The following PSMA1 variants were observed in gnomAD, a reference collection of about 807,000 sequenced individuals.
PSMA1 encodes proteasome subunit alpha type-1.
PSMA1 carries 3 observed loss-of-function variants against 38.4 expected under a neutral mutation model. The observed-to-expected ratio is 0.08, with a 90% confidence interval of 0.04 to 0.20. PSMA1 has a LOEUF of 0.20. Among genes scored for constraint, PSMA1 ranks in the 10% least tolerant of loss-of-function variants. The pLI is 1.00. For missense variants in PSMA1, 227 were observed against 325.3 expected (o/e 0.70, Z 2.32); for synonymous variants, 101 against 107.1 (o/e 0.94, Z 0.35).
intron 2 of PSMA1, among the ~76,000 whole-genome samples, chr11:14,593,216 C>T (rs1006001090): frequency 4.6e-5 from 7 of 152,106 alleles, no homozygotes; most frequent in African/African-American, 1.7e-4. Context: ...GTGGCAGAGC[C>T]CAGATTTGAA....
At chr11:14,633,697 C>G (rs1315120713) in intron 1 of PSMA1, among the ~76,000 whole-genome samples, 1 of 152,184 alleles carries the variant, frequency 6.6e-6, no homozygotes, top group Non-Finnish European at 1.5e-5. Context: ...CTTTGTTTAC[C>G]TAATCAAGCC....
At chr11:14,588,365 G>C (rs1453536700) in intron 2 of PSMA1, among the ~76,000 whole-genome samples, 1 of 152,222 alleles carries the variant, frequency 6.6e-6, no homozygotes, top group Non-Finnish European at 1.5e-5. Flanking sequence ...AACAGGAGTA[G>C]GTGGAGGGAG....
chr11:14,542,025 T>A (rs1020848047), intron 2 of PSMA1, among the ~76,000 whole-genome samples: 3 of 152,246 alleles, frequency 2.0e-5, no homozygotes, highest in Non-Finnish European at 4.4e-5. Context: ...AGCTATTGTA[T>A]ATAGCTTTAG....
chr11:14,610,896 T>C, intron 2 of PSMA1: 1 of 1,514,966 alleles, frequency 6.6e-7, no homozygotes, highest in South Asian at 1.1e-5. Flanking sequence ...TTTTGTTTTG[T>C]GGGGGCTCAC....
At chr11:14,545,642 T>A (rs1182117956) in intron 2 of PSMA1, among the ~76,000 whole-genome samples, 1 of 152,248 alleles carries the variant, frequency 6.6e-6, no homozygotes, top group Non-Finnish European at 1.5e-5. Context: ...GGACATGATG[T>A]TGTTCCTTTT....
chr11:14,506,941 G>C (rs1248974118), intron 9 of PSMA1, among the ~76,000 whole-genome samples: 2 of 152,174 alleles, frequency 1.3e-5, no homozygotes, highest in Non-Finnish European at 2.9e-5. Context: ...TAAAAGGTGT[G>C]AGTAAAGAAG....
At chr11:14,574,311 A>G (rs1372720829) in intron 2 of PSMA1, among the ~76,000 whole-genome samples, 1 of 152,200 alleles carries the variant, frequency 6.6e-6, no homozygotes, top group Non-Finnish European at 1.5e-5. Context: ...CCCAGGGCAC[A>G]CTGCTCCCTA....
chr11:14,619,333 C>A (rs1852813057), intron 1 of PSMA1, among the ~76,000 whole-genome samples: 1 of 151,932 alleles, frequency 6.6e-6, no homozygotes, highest in Admixed American at 6.6e-5. Flanking sequence ...CCTGTGGTCC[C>A]AGCTACTTGG....
chr11:14,569,921 C>T (rs759241092), intron 2 of PSMA1, among the ~76,000 whole-genome samples: 4 of 152,228 alleles, frequency 2.6e-5, no homozygotes, highest in Non-Finnish European at 5.9e-5. Flanking sequence ...TCAAGTGGGT[C>T]CCTGACCCCC....
chr11:14,633,275 A>C (rs1483487626), intron 1 of PSMA1, among the ~76,000 whole-genome samples: 1 of 151,896 alleles, frequency 6.6e-6, no homozygotes, highest in Non-Finnish European at 1.5e-5. Flanking sequence ...GTTTTTATCT[A>C]CTTTTGGTCT....
At chr11:14,616,228 A>G (rs997226168) in intron 1 of PSMA1, among the ~76,000 whole-genome samples, 2 of 134,782 alleles carry the variant, frequency 1.5e-5, no homozygotes, top group African/African-American at 5.2e-5. Context: ...GAGGATCCCA[A>G]CAGTTTTTTT....
At chr11:14,610,733 T>C (rs1434481239) in intron 2 of PSMA1, 8 of 536,594 alleles carry the variant, frequency 1.5e-5, no homozygotes, top group Non-Finnish European at 2.3e-5. Context: ...GTAACTTAGG[T>C]TAATCCCTTT....
At chr11:14,597,726 GT>G (rs886871084) in intron 2 of PSMA1, among the ~76,000 whole-genome samples, 3 of 151,958 alleles carry the variant, frequency 2.0e-5, no homozygotes, top group Non-Finnish European at 4.4e-5. Context: ...CTTTTTGAAG[GT>G]TTTTTTGTGT....
intron 1 of PSMA1, among the ~76,000 whole-genome samples, chr11:14,634,034 T>G (rs932333216): frequency 1.3e-5 from 2 of 152,146 alleles, no homozygotes; most frequent in African/African-American, 4.8e-5. Flanking sequence ...CTGCGCCCAC[T>G]GTCTGGCACT....
chr11:14,604,379 C>T (rs1852618138), intron 2 of PSMA1, among the ~76,000 whole-genome samples: 1 of 152,080 alleles, frequency 6.6e-6, no homozygotes, highest in Non-Finnish European at 1.5e-5. Context: ...ACTTTCTTGA[C>T]TGTTATATTC....
At chr11:14,627,206 C>A (rs1242151314) in intron 1 of PSMA1, among the ~76,000 whole-genome samples, 1 of 152,114 alleles carries the variant, frequency 6.6e-6, no homozygotes, top group Admixed American at 6.5e-5. Flanking sequence ...TTTCAAAATT[C>A]AAATTTTGAA....
At chr11:14,624,439 G>C (rs919810119) in intron 1 of PSMA1, among the ~76,000 whole-genome samples, 15 of 152,124 alleles carry the variant, frequency 9.9e-5, no homozygotes, top group Admixed American at 7.9e-4. Flanking sequence ...CCATCGATGG[G>C]TGTAATCAGG....
At chr11:14,601,760 T>A (rs567977968) in intron 2 of PSMA1, among the ~76,000 whole-genome samples, 67 of 152,290 alleles carry the variant, frequency 4.4e-4, no homozygotes, top group African/African-American at 1.6e-3. Context: ...TCCGAGGCCA[T>A]ATATCTAGTA....
chr11:14,545,985 T>G (rs1307079321), intron 2 of PSMA1, among the ~76,000 whole-genome samples: 1 of 152,164 alleles, frequency 6.6e-6, no homozygotes, highest in Non-Finnish European at 1.5e-5. Context: ...CCTTCCAAGT[T>G]CATGCACACC....
Sources: gnomAD v4.1 joint callset for allele counts (sites outside exome capture counted in the v4.1 genomes callset) on GRCh38, gnomAD v4.1.1 for gene constraint, MANE v1.5 for transcripts, NCBI Gene and HGNC (gene_info 2026-07-23, HGNC 2026-07-21) for gene names.